The following FRK variants were observed in gnomAD, a reference collection of about 807,000 sequenced individuals.
The protein encoded by FRK is fyn related Src family tyrosine kinase, also known as tyrosine-protein kinase FRK.
A neutral mutation model predicts 56.4 loss-of-function variants in FRK; 51 were observed. The ratio of observed to expected loss-of-function variants is 0.90; its 90% CI spans 0.72 to 1.14. FRK has a LOEUF of 1.14. Ranked by LOEUF, FRK falls within the 50% of genes most tolerant of loss-of-function variation. FRK has a pLI of 0.00. For synonymous variants in FRK, 245 were observed against 217.9 expected (o/e 1.12, Z -1.10); for missense variants, 570 against 601.4 (o/e 0.95, Z 0.55).
In FRK at chr6:116,055,168, G is replaced by A. The variant is rs555727855; in HGVS notation, c.344+4800C>T. ...GTTTCACCATGCTGCTTTCAAGCTC[G>A]ACAATGGCAATCATCATAGGTTAGA... On this transcript the variant is annotated intron_variant, in intron 1 of 7. Transcript: ENST00000606080. 2.6e-3 allele frequency among the ~76,000 whole-genome samples: 392 copies of A among 152,160 alleles called. 1 individual carries two copies. Among genetic ancestry groups the A allele is most frequent in the Non-Finnish European group, 4.0e-3 (273 of 68,004 alleles).
chr6:115,989,017 A>G (rs572137698), intron 2 of FRK, among the ~76,000 whole-genome samples: 2 of 151,948 alleles, frequency 1.3e-5, no homozygotes, highest in East Asian at 1.9e-4. Context: ...CAAATGTTTG[A>G]GATCATTTTT....
intron 5 of FRK, among the ~76,000 whole-genome samples, chr6:115,945,257 G>A (rs915799625): frequency 3.3e-5 from 5 of 152,026 alleles, no homozygotes; most frequent in African/African-American, 1.2e-4. Flanking sequence ...CAAATGGTAG[G>A]TCTGTTTTGA....
the FRK span, among the ~76,000 whole-genome samples, chr6:116,087,881 C>T: frequency 6.6e-6 from 1 of 152,226 alleles, no homozygotes; most frequent in Non-Finnish European, 1.5e-5. Flanking sequence ...AGCACACTAG[C>T]AATGACCCAC....
intron 1 of FRK, among the ~76,000 whole-genome samples, chr6:116,037,068 T>C (rs1425749490): frequency 6.6e-6 from 1 of 152,208 alleles, no homozygotes; most frequent in East Asian, 1.9e-4. Context: ...AATGTATCAC[T>C]GCTTTCTTTG....
chr6:116,078,409 C>G, the FRK span, among the ~76,000 whole-genome samples: 1 of 152,114 alleles, frequency 6.6e-6, no homozygotes, highest in Non-Finnish European at 1.5e-5. Context: ...AGCCTAGTGT[C>G]CAGTTATTAG....
rs1562257543 is a variant in FRK, at chr6:115,958,720, A to AAGGAAGGAAGG, written c.800-2111_800-2110insCCTTCCTTCCT. Among the ~76,000 whole-genome samples, 4 of 25,214 alleles carry AAGGAAGGAAGG rather than the reference A, an allele frequency of 1.6e-4. 1 individual carries two copies. The highest frequency in any genetic ancestry group is 4.6e-4 in the African/African-American group (3 of 6,468). 16.5% of individuals were successfully genotyped at this position (25,214 alleles called of 152,430 possible). On this transcript the variant is annotated intron_variant, in intron 4 of 7. Transcript: ENST00000606080. ...AGAAAGAAAGAAGAAAGAAAGAAAG[A>AAGGAAGGAAGG]AAGAAAGAAAGAAAGAAAGAAAGAA...
intron 2 of FRK, among the ~76,000 whole-genome samples, chr6:115,979,484 T>C (rs1485383490): frequency 2.0e-5 from 3 of 152,146 alleles, no homozygotes; most frequent in East Asian, 1.9e-4. Context: ...AAATGTATAA[T>C]GTAAAAAGTT....
chr6:115,980,881 A>T (rs1774173789), intron 2 of FRK, among the ~76,000 whole-genome samples: 1 of 152,034 alleles, frequency 6.6e-6, no homozygotes, highest in Admixed American at 6.6e-5. Context: ...GGCTAAACTG[A>T]TTTCTAAACT....
chr6:116,020,433 A>G (rs1775831551), intron 1 of FRK, among the ~76,000 whole-genome samples: 1 of 152,066 alleles, frequency 6.6e-6, no homozygotes, highest in African/African-American at 2.4e-5. Context: ...CTAGGATTAC[A>G]GGCACACGCC....
At position 116,060,093 on chromosome 6, in the gene FRK, G is replaced by C; in HGVS notation, c.219C>G (p.Asp73Glu). ...CAAACCACCAGCCCTCATGCAAAGT[G>C]TCCAGAACTTGAAGTTTGTCACCTG... ...FRAGDKLQVLDTLHEGWWFAR... is the reference protein window; with the variant it reads ...FRAGDKLQVLETLHEGWWFAR... The change falls in exon 1 of 8, where the codon GAC becomes GAG. Residue 73 changes from aspartate to glutamate, a missense_variant. Coordinates refer to ENST00000606080, the MANE Select transcript of FRK (RefSeq NM_002031.3). 1 of 1,614,154 alleles carries C rather than the reference G, an allele frequency of 6.2e-7. No individual in the cohort carries two copies.
intron 5 of FRK, among the ~76,000 whole-genome samples, chr6:115,954,414 C>A (rs1398608047): frequency 6.6e-6 from 1 of 152,182 alleles, no homozygotes; most frequent in African/African-American, 2.4e-5. Context: ...CCGGGAGCTA[C>A]TGCAGAATTC....
At chr6:115,962,291 G>A (rs1369766071) in intron 4 of FRK, among the ~76,000 whole-genome samples, 2 of 149,892 alleles carry the variant, frequency 1.3e-5, no homozygotes, top group Non-Finnish European at 3.0e-5. Context: ...GATCAAAAGA[G>A]ACAAAGAAGG....
At chr6:115,987,331 G>T (rs1260248358) in intron 2 of FRK, among the ~76,000 whole-genome samples, 1 of 151,980 alleles carries the variant, frequency 6.6e-6, no homozygotes. Context: ...GTAATAGAAA[G>T]AACCCAAACC....
At chr6:116,055,091 T>C (rs76300155) in intron 1 of FRK, among the ~76,000 whole-genome samples, 4,624 of 152,248 alleles carry the variant, frequency 0.03, 154 homozygotes, top group East Asian at 0.16. Flanking sequence ...TCACTCTATT[T>C]TAAAACGGTG....
At chr6:115,991,816 A>T (rs1051872971) in intron 2 of FRK, among the ~76,000 whole-genome samples, 1 of 151,510 alleles carries the variant, frequency 6.6e-6, no homozygotes, top group African/African-American at 2.4e-5. Flanking sequence ...CCTCCTCCTC[A>T]ATTTTTTTGA....
intron 1 of FRK, among the ~76,000 whole-genome samples, chr6:116,055,718 T>G (rs1194466249): frequency 6.6e-6 from 1 of 152,226 alleles, no homozygotes; most frequent in African/African-American, 2.4e-5. Context: ...GCTGAGTCAT[T>G]CACTTAGCAC....
chr6:116,085,909 A>G, the FRK span, among the ~76,000 whole-genome samples: 4 of 152,342 alleles, frequency 2.6e-5, no homozygotes, highest in South Asian at 8.3e-4. Context: ...CCAGAAGAGA[A>G]TAGTAGTAAC....
At chr6:116,072,413 A>G in the FRK span, among the ~76,000 whole-genome samples, 2 of 152,154 alleles carry the variant, frequency 1.3e-5, no homozygotes, top group Non-Finnish European at 2.9e-5. Flanking sequence ...TCCAGTTCTC[A>G]TCTTCTAAAA....
At chr6:115,997,110 C>G (rs1167896081) in intron 2 of FRK, among the ~76,000 whole-genome samples, 1 of 152,116 alleles carries the variant, frequency 6.6e-6, no homozygotes, top group South Asian at 2.1e-4. Flanking sequence ...CATAATTACC[C>G]CAGCTAAGGG....
Sources: allele counts gnomAD v4.1 joint callset (sites outside exome capture counted in the v4.1 genomes callset), GRCh38; gene constraint gnomAD v4.1.1; transcripts MANE v1.5; gene names NCBI Gene and HGNC (gene_info 2026-07-23, HGNC 2026-07-21).